Variants in SRBD1 observed in about 807,000 individuals in gnomAD.
The protein encoded by SRBD1 is S1 RNA-binding domain-containing protein 1.
SRBD1 carries 88 observed loss-of-function variants against 115.3 expected under a neutral mutation model. The observed-to-expected ratio is 0.76, with a 90% CI of 0.64 to 0.91. The LOEUF (loss-of-function observed/expected upper bound fraction) is 0.91. SRBD1 is among the 40% of genes least tolerant of loss of function. The probability of loss-of-function intolerance (pLI) is 0.00; values close to 1 mark genes in which losing one functional copy is unlikely to be tolerated. For missense variants in SRBD1, 1,385 were observed against 1,177.4 expected (o/e 1.18, Z -2.58); for synonymous variants, 509 against 407.7 (o/e 1.25, Z -2.99).
In SRBD1 at chr2:45,418,457, C is replaced by G; in HGVS notation, c.2241G>C (p.Gln747His). ...GGCCCAGCCCTTTCACTTTCTTCAG[C>G]TGTTCTCGGTTGATAAAGGGTCCAT... ...EKNGPFINRE[Q>H]LKKVKGLGPK... Residue 747 changes from glutamine to histidine, a missense_variant, in exon 18 of 21, where the codon CAG becomes CAC. Physicochemically the swap from Gln to His is conservative, Grantham distance 24. Coordinates refer to ENST00000263736, the MANE Select transcript of SRBD1 (RefSeq NM_018079.5). 6.2e-7 allele frequency: 1 copy of G among 1,613,804 alleles called. No homozygotes were observed. Among genetic ancestry groups the G allele is most frequent in the Non-Finnish European group, 8.5e-7 (1 of 1,179,964 alleles).
intron 16 of SRBD1, among the ~76,000 whole-genome samples, chr2:45,432,618 G>A (rs1668374573): frequency 6.6e-6 from 1 of 152,174 alleles, no homozygotes; most frequent in African/African-American, 2.4e-5. Flanking sequence ...GGTACAAGAA[G>A]CAAGAGGGCC....
intron 3 of SRBD1, among the ~76,000 whole-genome samples, chr2:45,601,230 A>T (rs1355560795): frequency 1.3e-5 from 2 of 152,200 alleles, no homozygotes; most frequent in African/African-American, 4.8e-5. Context: ...GATTTATCTC[A>T]TCATCCTATT....
intron 14 of SRBD1, among the ~76,000 whole-genome samples, chr2:45,541,588 C>T (rs1671940296): frequency 6.6e-6 from 1 of 152,248 alleles, no homozygotes; most frequent in South Asian, 2.1e-4. Flanking sequence ...CTCCTTTCCG[C>T]AGGCAGGTTG....
At chr2:45,579,759 C>T (rs545760964) in intron 7 of SRBD1, 116 bp downstream of exon 7, 705 of 1,194,506 alleles carry the variant, frequency 5.9e-4, no homozygotes, top group Non-Finnish European at 7.2e-4. Context: ...ATTCTACATA[C>T]GCTGTAATAT....
chr2:45,464,975 AAAG>A (rs1370738316), intron 16 of SRBD1, among the ~76,000 whole-genome samples: 1 of 151,628 alleles, frequency 6.6e-6, no homozygotes, highest in Middle Eastern at 3.2e-3. Context: ...ACTCTGTTAA[AAAG>A]AAACTGTCAT....
rs1673070148 is a variant in SRBD1 at position 45,573,074 on chromosome 2, T to C, written c.1305+133A>G. 5.9e-6 allele frequency: 6 copies of C among 1,019,740 alleles called. 1 individual carries two copies. In the South Asian group the frequency reaches 1.3e-4, roughly 22 times the overall value. 63.2% of individuals were successfully genotyped at this position (1,019,740 alleles called of 1,614,324 possible). ...GTGAAGCGGCAAGGATATGACAATA[T>C]TATAAGAATTTATATAAAGAAAAAA... is the stretch of plus-strand genomic sequence containing the variant. On this transcript the variant is annotated intron_variant, in intron 9 of 20. Coordinates refer to ENST00000263736, the MANE Select transcript of SRBD1 (RefSeq NM_018079.5).
At chr2:45,533,293 G>C (rs575934630) in intron 14 of SRBD1, among the ~76,000 whole-genome samples, 25 of 152,114 alleles carry the variant, frequency 1.6e-4, no homozygotes, top group African/African-American at 6.0e-4. Context: ...ATTACCTGTT[G>C]TTCACCAAAA....
chr2:45,551,020 T>C, intron 12 of SRBD1, 105 bp downstream of exon 12: 1 of 1,377,806 alleles, frequency 7.3e-7, no homozygotes, highest in Non-Finnish European at 9.6e-7. Context: ...AACCACTTTT[T>C]AAGCCTTTAA....
At chr2:45,424,427 A>C (rs1303349749) in intron 16 of SRBD1, among the ~76,000 whole-genome samples, 1 of 152,134 alleles carries the variant, frequency 6.6e-6, no homozygotes. Flanking sequence ...AATTTGAAAA[A>C]ACGGCTCAAC....
chr2:45,452,647 T>C (rs1458032539), intron 16 of SRBD1, among the ~76,000 whole-genome samples: 4 of 152,150 alleles, frequency 2.6e-5, no homozygotes, highest in African/African-American at 7.2e-5. Context: ...CTGGTGTCTT[T>C]TGCTTTAAGA....
intron 14 of SRBD1, among the ~76,000 whole-genome samples, chr2:45,506,205 A>AT (rs1462878097): frequency 6.6e-6 from 1 of 152,162 alleles, no homozygotes; most frequent in African/African-American, 2.4e-5. Context: ...GATGAGCAGT[A>AT]TATGATTAAT....
intron 16 of SRBD1, among the ~76,000 whole-genome samples, chr2:45,451,282 G>A (rs1051153314): frequency 2.6e-5 from 4 of 152,120 alleles, no homozygotes; most frequent in African/African-American, 4.8e-5. Context: ...TATTCTCACC[G>A]TCTTTACAGA....
At chr2:45,514,471 G>A (rs985820889) in intron 14 of SRBD1, among the ~76,000 whole-genome samples, 4 of 152,082 alleles carry the variant, frequency 2.6e-5, no homozygotes, top group African/African-American at 4.8e-5. Context: ...GGAAAAAAAC[G>A]ACTGCTTTAC....
intron 14 of SRBD1, among the ~76,000 whole-genome samples, chr2:45,511,374 G>A (rs556744530): frequency 3.2e-4 from 48 of 152,134 alleles, no homozygotes; most frequent in Non-Finnish European, 5.7e-4. Flanking sequence ...TGCCACTCCA[G>A]ATGAATTTTT....
At chr2:45,588,123 T>C (rs1413605506) in intron 4 of SRBD1, among the ~76,000 whole-genome samples, 4 of 152,248 alleles carry the variant, frequency 2.6e-5, no homozygotes, top group Non-Finnish European at 5.9e-5. Context: ...CTGTTCTCCC[T>C]GCATCCACTC....
chr2:45,398,019 G>A (rs1667194718), intron 19 of SRBD1, among the ~76,000 whole-genome samples: 1 of 152,156 alleles, frequency 6.6e-6, no homozygotes, highest in Admixed American at 6.5e-5. Flanking sequence ...CATTTATAGA[G>A]AGGCCCACAG....
intron 14 of SRBD1, among the ~76,000 whole-genome samples, chr2:45,536,359 T>C (rs1298425320): frequency 6.6e-6 from 1 of 151,992 alleles, no homozygotes; most frequent in Non-Finnish European, 1.5e-5. Context: ...GATAGAATAC[T>C]TAAGCAATTT....
intron 14 of SRBD1, among the ~76,000 whole-genome samples, chr2:45,521,793 C>G (rs1047441518): frequency 1.3e-5 from 2 of 151,820 alleles, no homozygotes; most frequent in East Asian, 3.9e-4. Context: ...ATGGTGAAAC[C>G]CTGTCTCCAC....
intron 14 of SRBD1, among the ~76,000 whole-genome samples, chr2:45,514,366 T>C (rs1572721379): frequency 6.6e-6 from 1 of 152,146 alleles, no homozygotes; most frequent in East Asian, 1.9e-4. Flanking sequence ...TAACCACCAG[T>C]TCTAAATAAT....
Sources: gnomAD v4.1 joint callset for allele counts (sites outside exome capture counted in the v4.1 genomes callset) on GRCh38, gnomAD v4.1.1 for gene constraint, MANE v1.5 for transcripts, NCBI Gene and HGNC (gene_info 2026-07-23, HGNC 2026-07-21) for gene names.